Variants in VPS4B observed in about 807,000 individuals in gnomAD.
VPS4B encodes vacuolar protein sorting 4 homolog B, also known as vacuolar protein sorting-associated protein 4B.
Under a neutral mutation model 56.1 loss-of-function variants are expected in VPS4B, and 23 were observed. The ratio of observed to expected loss-of-function variants is 0.41; its 90% confidence interval spans 0.30 to 0.58. The LOEUF (loss-of-function observed/expected upper bound fraction) is 0.58, where lower values mean the gene tolerates loss of function less well. VPS4B is among the 20% of genes least tolerant of loss of function. The pLI, the probability that VPS4B is intolerant of heterozygous loss-of-function variation, is 0.29. For missense variants in VPS4B, 372 were observed against 531.9 expected, an observed-to-expected ratio of 0.70 and a Z score of 2.96; for synonymous variants, 177 against 186.0, an observed-to-expected ratio of 0.95 and a Z score of 0.39.
At chr18:63,401,941 C>T (rs893680704) in intron 5 of VPS4B, among the ~76,000 whole-genome samples, 1 of 152,026 alleles carries the variant, frequency 6.6e-6, no homozygotes, top group Non-Finnish European at 1.5e-5. Flanking sequence ...TGCAGTGAAA[C>T]GAGACCACGC....
intron 10 of VPS4B, 36 bp from the exon 11 acceptor site, chr18:63,391,112 T>C (rs750878875): frequency 2.2e-6 from 3 of 1,354,880 alleles, no homozygotes; most frequent in Middle Eastern, 1.8e-4. Context: ...AGGATATTAA[T>C]AATAGAGTTA....
chr18:63,417,703 T>C (rs1916200905), intron 1 of VPS4B, among the ~76,000 whole-genome samples: 1 of 152,130 alleles, frequency 6.6e-6, no homozygotes. Context: ...CTCTCTTCTA[T>C]TAGAATGTAA....
In VPS4B at chr18:63,392,140, G is replaced by A. The variant is rs959935433; in HGVS notation, c.1234-1064C>T. Among the ~76,000 whole-genome samples the A allele has an allele frequency of 1.5e-4, 23 of 152,074 alleles. 1 individual carries two copies. Among genetic ancestry groups the A allele is most frequent in the Non-Finnish European group, 8.8e-5 (6 of 68,014 alleles). On this transcript the variant is annotated intron_variant, in intron 10 of 10. Transcript: ENST00000238497. ...TGTACCGTGTAAAAGTTTCTCCTCT[G>A]GAAGTTACTATTAAACCTGCCATTA...
At chr18:63,415,575 T>C in intron 1 of VPS4B, 2 of 272,752 alleles carry the variant, frequency 7.3e-6, no homozygotes, top group Admixed American at 3.9e-5. Context: ...ATTCAATTTT[T>C]CTGTTGATGT....
chr18:63,419,277 G>T (rs1916238186), intron 1 of VPS4B, among the ~76,000 whole-genome samples: 1 of 152,218 alleles, frequency 6.6e-6, no homozygotes, highest in African/African-American at 2.4e-5. Context: ...AGCTGGGTGT[G>T]TTGGTGCATG....
rs1916327553 is a variant in VPS4B, at chr18:63,422,364, G to C, written c.-105C>G. ...AACAGCCCTCAAACTGGGGAGGCCG[G>C]TGGTTCTCGGACCGCGAAGGGCAGC... On this transcript the variant is annotated 5_prime_UTR_variant, in exon 1 of 11. Coordinates refer to ENST00000238497, the MANE Select transcript of VPS4B (RefSeq NM_004869.4). 6.0e-6 allele frequency: 7 copies of C among 1,157,548 alleles called. No individual in the cohort carries two copies. The South Asian group carries it at 1.1e-4, about 18-fold the overall frequency. 71.7% of individuals were successfully genotyped at this position (1,157,548 alleles called of 1,614,324 possible).
intron 1 of VPS4B, chr18:63,415,872 A>G: frequency 5.1e-6 from 1 of 197,060 alleles, no homozygotes; most frequent in South Asian, 9.8e-5. Context: ...CAGCCTAGGC[A>G]AACAGTGTCT....
At position 63,398,220 on chromosome 18, in the gene VPS4B, TA is replaced by T. The variant is rs1568084653; in HGVS notation, c.873-968del. 2.6e-3 allele frequency among the ~76,000 whole-genome samples: 295 copies of T among 114,296 alleles called. 2 individuals are homozygous for T. Among genetic ancestry groups the T allele is most frequent in the African/African-American group, 8.2e-3 (262 of 32,034 alleles). The allele number at this position is 114,296 out of a possible 152,430, so 75.0% of individuals were successfully genotyped here. On this transcript the variant is annotated intron_variant, in intron 8 of 10. Coordinates refer to ENST00000238497, the MANE Select transcript of VPS4B (RefSeq NM_004869.4). ...ACACACACACATATATATATATATA[TA>T]TATTTTTTTTTGAGATGGAGTCTCA...
At chr18:63,411,810 A>G (rs1813184939) in intron 1 of VPS4B, among the ~76,000 whole-genome samples, 1 of 152,250 alleles carries the variant, frequency 6.6e-6, no homozygotes, top group Admixed American at 6.5e-5. Context: ...TACATGTTAT[A>G]GGAATAAATG....
intron 8 of VPS4B, among the ~76,000 whole-genome samples, chr18:63,398,228 T>TATATATATATATATATATATATATATAC (rs1568084685): frequency 6.8e-6 from 1 of 146,354 alleles, no homozygotes; most frequent in African/African-American, 2.7e-5. Flanking sequence ...TATATATTTT[T>TATATATATATATATATATATATATATAC]TTTTGAGATG....
At chr18:63,393,074 T>C (rs1395009769) in intron 10 of VPS4B, among the ~76,000 whole-genome samples, 2 of 152,152 alleles carry the variant, frequency 1.3e-5, no homozygotes, top group Non-Finnish European at 2.9e-5. Flanking sequence ...AAAAAAATAT[T>C]TCACCAACCC....
In VPS4B at chr18:63,390,979, C is replaced by A; in HGVS notation, c.1331G>T (p.Gly444Val). The A allele has an allele frequency of 6.2e-7, 1 of 1,605,318 alleles. No individual in the cohort carries two copies. Among genetic ancestry groups the A allele is most frequent in the Admixed American group, 1.7e-5 (1 of 59,868 alleles). ...KKFTEDFGQE[G>V] Reference sequence around the variant, plus strand: ...AGCATCTTCCTTGTCTTTGGCTTAGCCTTCTTGACCAAAATCTTCTGTAAA... The same window carrying A: ...AGCATCTTCCTTGTCTTTGGCTTAGACTTCTTGACCAAAATCTTCTGTAAA... The change falls in exon 11 of 11, where the codon GGC (glycine) becomes GTC (valine). Residue 444 changes from glycine to valine, a missense_variant. Physicochemically the swap from Gly to Val is moderately radical, Grantham distance 109 (BLOSUM62 -3). Transcript: ENST00000238497.
intron 1 of VPS4B, among the ~76,000 whole-genome samples, chr18:63,414,456 T>TG (rs1373954746): frequency 6.6e-5 from 10 of 152,298 alleles, no homozygotes; most frequent in African/African-American, 1.9e-4. Flanking sequence ...TCTTTTGAGA[T>TG]GGAGTCTCAC....
chr18:63,415,511 TC>T, intron 1 of VPS4B: 1 of 295,110 alleles, frequency 3.4e-6, no homozygotes, highest in Non-Finnish European at 6.9e-6. Flanking sequence ...CTCTGGTTGA[TC>T]CCCTGGGTCA....
At chr18:63,406,898 T>C (rs1915930328) in intron 4 of VPS4B, among the ~76,000 whole-genome samples, 1 of 152,216 alleles carries the variant, frequency 6.6e-6, no homozygotes, top group South Asian at 2.1e-4. Flanking sequence ...TATGCCACTG[T>C]GCTATAGTAG....
chr18:63,421,051 AAAAG>A (rs1916286776), intron 1 of VPS4B, among the ~76,000 whole-genome samples: 2 of 151,910 alleles, frequency 1.3e-5, no homozygotes, highest in Non-Finnish European at 1.5e-5. Flanking sequence ...AAAAAAAAAA[AAAAG>A]AAAGAAAAGA....
chr18:63,401,411 C>T (rs754885487), intron 5 of VPS4B, among the ~76,000 whole-genome samples: 8 of 152,174 alleles, frequency 5.3e-5, no homozygotes, highest in East Asian at 3.9e-4. Context: ...CCCGCCATTA[C>T]GCCTGGCTAG....
In VPS4B at chr18:63,411,513, A is replaced by T; in HGVS notation, c.93T>A (p.Leu31=). ...ACTGCACAGCATGCTGATAGAGCTG[A>T]AGGGCTTCTTCGTAGTTCCCAGCCT... ...EDKAGNYEEA[L]QLYQHAVQYF... Residue 31 remains leucine, a synonymous_variant, in exon 2 of 11, where the codon CTT becomes CTA. Transcript: ENST00000238497. 1 of 1,604,698 alleles carries T rather than the reference A, an allele frequency of 6.2e-7. No homozygotes were observed. Among genetic ancestry groups the T allele is most frequent in the Non-Finnish European group, 8.5e-7 (1 of 1,175,002 alleles).
At chr18:63,398,538 A>G (rs1264757192) in intron 8 of VPS4B, among the ~76,000 whole-genome samples, 1 of 142,900 alleles carries the variant, frequency 7.0e-6, no homozygotes, top group East Asian at 2.0e-4. Context: ...AGTTTTTACT[A>G]AAAAAAAAAA....
Sources: gnomAD v4.1 joint callset for allele counts (sites outside exome capture counted in the v4.1 genomes callset) on GRCh38, gnomAD v4.1.1 for gene constraint, MANE v1.5 for transcripts, NCBI Gene and HGNC (gene_info 2026-07-23, HGNC 2026-07-21) for gene names.